The following PITPNC1 variants were observed in gnomAD, a reference collection of about 807,000 sequenced individuals.
The protein encoded by PITPNC1 is phosphatidylinositol transfer protein cytoplasmic 1, also known as cytoplasmic phosphatidylinositol transfer protein 1.
Under a neutral mutation model 44.7 loss-of-function variants are expected in PITPNC1, and 18 were observed. The ratio of observed to expected loss-of-function variants is 0.40; its 90% CI spans 0.28 to 0.60. The LOEUF (loss-of-function observed/expected upper bound fraction) is 0.60, where lower values mean the gene tolerates loss of function less well. Among genes scored for constraint, PITPNC1 ranks in the 20% least tolerant of loss-of-function variants. The pLI is 0.39. For missense variants in PITPNC1, 290 were observed against 418.4 expected (o/e 0.69, Z 2.68); for synonymous variants, 141 against 149.6 (o/e 0.94, Z 0.42).
intron 1 of PITPNC1, among the ~76,000 whole-genome samples, chr17:67,514,503 C>T (rs2040232976): frequency 6.6e-6 from 1 of 151,028 alleles, no homozygotes; most frequent in African/African-American, 2.4e-5. Context: ...TGGCCAAATT[C>T]ACGGTTCTTG....
intron 1 of PITPNC1, among the ~76,000 whole-genome samples, chr17:67,432,525 A>G (rs1238017364): frequency 6.6e-6 from 1 of 152,050 alleles, no homozygotes; most frequent in Non-Finnish European, 1.5e-5. Context: ...ATACATAAAT[A>G]AATAATAAAA....
At chr17:67,591,131 C>G (rs2041386343) in intron 5 of PITPNC1, among the ~76,000 whole-genome samples, 1 of 151,940 alleles carries the variant, frequency 6.6e-6, no homozygotes, top group African/African-American at 2.4e-5. Flanking sequence ...AACAAACAAA[C>G]AAACAAACAA....
At chr17:67,456,087 G>C (rs1256933905) in intron 1 of PITPNC1, among the ~76,000 whole-genome samples, 1 of 152,192 alleles carries the variant, frequency 6.6e-6, no homozygotes, top group Non-Finnish European at 1.5e-5. Context: ...TTTTACAAGT[G>C]AGGAAACTGG....
chr17:67,459,776 G>A (rs541271831), intron 1 of PITPNC1: 3 of 152,254 alleles, frequency 2.0e-5, no homozygotes, highest in South Asian at 2.1e-4. Context: ...CGAAGATTTC[G>A]AGATCTTGTT....
intron 5 of PITPNC1, among the ~76,000 whole-genome samples, chr17:67,595,245 A>G (rs1410893292): frequency 6.6e-6 from 1 of 152,128 alleles, no homozygotes. Context: ...TCAGGCCTGG[A>G]AGGTTGTTTG....
chr17:67,415,449 A>G (rs976632724), intron 1 of PITPNC1, among the ~76,000 whole-genome samples: 3 of 152,170 alleles, frequency 2.0e-5, no homozygotes, highest in Admixed American at 6.5e-5. Flanking sequence ...TTACCAGTCT[A>G]AGCCCCTTTG....
At chr17:67,619,403 A>C (rs1204394814) in intron 5 of PITPNC1, among the ~76,000 whole-genome samples, 2 of 152,028 alleles carry the variant, frequency 1.3e-5, no homozygotes, top group African/African-American at 4.8e-5. Flanking sequence ...ATGAATACCC[A>C]CGTTTTTTAA....
chr17:67,519,179 T>G (rs2040295278), intron 1 of PITPNC1, among the ~76,000 whole-genome samples: 1 of 144,774 alleles, frequency 6.9e-6, no homozygotes, highest in Admixed American at 7.0e-5. Flanking sequence ...CTGTTTTTTT[T>G]TTTTTTTTTT....
chr17:67,419,704 G>T (rs985890677), intron 1 of PITPNC1, among the ~76,000 whole-genome samples: 6 of 152,188 alleles, frequency 3.9e-5, no homozygotes, highest in Admixed American at 1.3e-4. Context: ...TCAGGAGTTC[G>T]AGACCAGCTT....
chr17:67,445,555 TCTC>T (rs56136224), intron 1 of PITPNC1, among the ~76,000 whole-genome samples: 47,219 of 151,662 alleles, frequency 0.31, 8,270 homozygotes, highest in Non-Finnish European at 0.39. Context: ...TTAACTAATT[TCTC>T]CTTTAGTAGC....
At chr17:67,632,695 G>A (rs1270130287) in intron 6 of PITPNC1, among the ~76,000 whole-genome samples, 1 of 151,178 alleles carries the variant, frequency 6.6e-6, no homozygotes, top group Non-Finnish European at 1.5e-5. Flanking sequence ...AGCCTCCTGA[G>A]TATGTGGGAT....
intron 1 of PITPNC1, among the ~76,000 whole-genome samples, chr17:67,513,635 G>C (rs2040220945): frequency 1.3e-5 from 2 of 151,766 alleles, no homozygotes; most frequent in African/African-American, 2.4e-5. Flanking sequence ...AGTCACTAAG[G>C]GCATAGGAAG....
chr17:67,485,492 G>A (rs549158066), intron 1 of PITPNC1, among the ~76,000 whole-genome samples: 1 of 151,358 alleles, frequency 6.6e-6, no homozygotes, highest in African/African-American at 2.4e-5. Context: ...AGCCTCCTGA[G>A]TAGCTGGGAT....
At chr17:67,498,755 A>G (rs1379389089) in intron 1 of PITPNC1, among the ~76,000 whole-genome samples, 1 of 151,284 alleles carries the variant, frequency 6.6e-6, no homozygotes, top group East Asian at 1.9e-4. Flanking sequence ...GTGTGAGGTG[A>G]TATCCCATTG....
chr17:67,461,832 A>G (rs2039342731), intron 1 of PITPNC1, among the ~76,000 whole-genome samples: 1 of 152,298 alleles, frequency 6.6e-6, no homozygotes, highest in East Asian at 1.9e-4. Context: ...AACAAAAACA[A>G]AAAACTTAGA....
At chr17:67,656,692 G>A (rs939087509) in intron 6 of PITPNC1, among the ~76,000 whole-genome samples, 1 of 152,006 alleles carries the variant, frequency 6.6e-6, no homozygotes, top group Non-Finnish European at 1.5e-5. Context: ...TTTTATAATT[G>A]GCCAGACCTT....
chr17:67,609,446 T>C (rs1241457371), intron 5 of PITPNC1, among the ~76,000 whole-genome samples: 2 of 151,766 alleles, frequency 1.3e-5, no homozygotes, highest in African/African-American at 4.8e-5. Context: ...TGCGCCACCA[T>C]GCCCGGCTAA....
chr17:67,469,851 G>A (rs894416858), intron 1 of PITPNC1, among the ~76,000 whole-genome samples: 2 of 152,010 alleles, frequency 1.3e-5, no homozygotes, highest in Admixed American at 1.3e-4. Flanking sequence ...CAAAGCAATA[G>A]CAGGGGCTGA....
chr17:67,659,898 GAGA>G (rs2042318969), intron 6 of PITPNC1, among the ~76,000 whole-genome samples: 1 of 150,914 alleles, frequency 6.6e-6, no homozygotes, highest in Admixed American at 6.6e-5. Flanking sequence ...GTTTTTTTTA[GAGA>G]CAGAGTCTTG....
Sources: gnomAD v4.1 joint callset for allele counts (sites outside exome capture counted in the v4.1 genomes callset) on GRCh38, gnomAD v4.1.1 for gene constraint, MANE v1.5 for transcripts, NCBI Gene and HGNC (gene_info 2026-07-23, HGNC 2026-07-21) for gene names.